PLB1: variants seen among roughly 807,000 people sequenced by gnomAD.
PLB1 encodes the protein phospholipase B1, membrane-associated.
A neutral mutation model predicts 227.4 loss-of-function variants in PLB1; 242 were observed. That is an observed-to-expected ratio of 1.06 (90% CI 0.96 to 1.18). The LOEUF (loss-of-function observed/expected upper bound fraction) is 1.18, where lower values mean the gene tolerates loss of function less well. Among genes scored for constraint, PLB1 ranks in the 50% most tolerant of loss-of-function variants. The probability of loss-of-function intolerance (pLI) is 0.00; values close to 1 mark genes in which losing one functional copy is unlikely to be tolerated. For missense variants in PLB1, 1,858 were observed against 1,816.3 expected (o/e 1.02, Z -0.42); for synonymous variants, 757 against 682.2 (o/e 1.11, Z -1.71).
intron 21 of PLB1, among the ~76,000 whole-genome samples, chr2:28,577,821 C>T (rs1172140900): frequency 6.6e-6 from 1 of 152,194 alleles, no homozygotes; most frequent in African/African-American, 2.4e-5. Context: ...GCCTGGGTGA[C>T]AGAGAAAGAC....
At chr2:28,572,037 C>T (rs888485736) in intron 20 of PLB1, among the ~76,000 whole-genome samples, 8 of 152,268 alleles carry the variant, frequency 5.3e-5, no homozygotes, top group Middle Eastern at 3.4e-3. Flanking sequence ...AAGAAACTTA[C>T]GTCTAGAAAT....
intron 16 of PLB1, among the ~76,000 whole-genome samples, chr2:28,551,778 T>A (rs115877881): frequency 8.9e-4 from 135 of 152,334 alleles, no homozygotes; most frequent in Middle Eastern, 3.4e-3. Context: ...CATAAGTCAG[T>A]AAGTATAAAG....
intron 56 of PLB1, among the ~76,000 whole-genome samples, chr2:28,638,935 C>T (rs997287601): frequency 1.2e-4 from 18 of 151,418 alleles, no homozygotes; most frequent in African/African-American, 4.4e-4. Flanking sequence ...TGGTGGCATG[C>T]ACCTGTAATC....
At chr2:28,591,926 TG>T (rs1385544262) in intron 31 of PLB1, among the ~76,000 whole-genome samples, 166 bp downstream of exon 31, 1 of 152,208 alleles carries the variant, frequency 6.6e-6, no homozygotes, top group South Asian at 2.1e-4. Flanking sequence ...CGCACCACTC[TG>T]GCTGGTGGTG....
chr2:28,513,216 G>A (rs973350460), intron 1 of PLB1, among the ~76,000 whole-genome samples: 3 of 152,128 alleles, frequency 2.0e-5, no homozygotes, highest in African/African-American at 7.2e-5. Context: ...TTCATGCTCT[G>A]GCTGGTAGTA....
At position 28,557,009 on chromosome 2, in the gene PLB1, G is replaced by A. The variant is rs143855402; in HGVS notation, c.1147+4018G>A. On this transcript the variant is annotated intron_variant, in intron 17 of 57. Transcript: ENST00000327757. ...TCGTGAGCCAGCAGTGCAATGTTCA[G>A]TGTAGGTCATGAGGCCGTCTCTGTG... Among the ~76,000 whole-genome samples the A allele has an allele frequency of 1.7e-3, 257 of 152,230 alleles. 2 individuals are homozygous for A. The highest frequency in any genetic ancestry group is 6.0e-3 in the African/African-American group (251 of 41,534).
At chr2:28,564,159 T>C (rs1261939874) in intron 18 of PLB1, among the ~76,000 whole-genome samples, 3 of 152,184 alleles carry the variant, frequency 2.0e-5, no homozygotes, top group Non-Finnish European at 2.9e-5. Flanking sequence ...GGAAGATCAC[T>C]TGAGCTCAGG....
chr2:28,622,966 C>T (rs949139754), intron 49 of PLB1, among the ~76,000 whole-genome samples: 2 of 152,198 alleles, frequency 1.3e-5, no homozygotes, highest in Non-Finnish European at 2.9e-5. Flanking sequence ...AGAGCTTGCA[C>T]TCTAGGTAAG....
intron 42 of PLB1, 53 bp downstream of exon 42, chr2:28,606,001 C>A: frequency 7.1e-7 from 1 of 1,400,506 alleles, no homozygotes; most frequent in Non-Finnish European, 1.0e-6. Flanking sequence ...TAGGGCAGGG[C>A]ACCAGCCCCT....
chr2:28,594,476 G>A, intron 33 of PLB1: 1 of 163,454 alleles, frequency 6.1e-6, no homozygotes, highest in East Asian at 1.7e-4. Flanking sequence ...CCACAAGGGG[G>A]CAGCGTGCTA....
At chr2:28,567,526 CA>C (rs1558781445) in intron 20 of PLB1, among the ~76,000 whole-genome samples, 5 of 129,460 alleles carry the variant, frequency 3.9e-5, no homozygotes, top group African/African-American at 6.3e-5. Context: ...GGCTGGAGTG[CA>C]GAGTGGCGCC....
intron 1 of PLB1, among the ~76,000 whole-genome samples, chr2:28,500,034 C>T (rs1666907301): frequency 6.6e-6 from 1 of 152,098 alleles, no homozygotes; most frequent in Non-Finnish European, 1.5e-5. Context: ...TGAAATTCAT[C>T]TAATGCTTTT....
chr2:28,633,696 C>T (rs1378249957), intron 56 of PLB1, among the ~76,000 whole-genome samples: 1 of 152,260 alleles, frequency 6.6e-6, no homozygotes, highest in African/African-American at 2.4e-5. Flanking sequence ...TGCTTCCACT[C>T]TGCCTTCTGT....
chr2:28,565,202 A>G (rs892452308), intron 18 of PLB1, 78 bp from the exon 19 acceptor site: 35 of 1,307,050 alleles, frequency 2.7e-5, no homozygotes, highest in Non-Finnish European at 3.8e-5. Context: ...GCATAAGAAC[A>G]TAGACCTTTT....
intron 56 of PLB1, among the ~76,000 whole-genome samples, chr2:28,639,954 C>T (rs1215692001): frequency 2.0e-5 from 3 of 152,192 alleles, no homozygotes; most frequent in African/African-American, 7.2e-5. Context: ...AGCCTGGATC[C>T]CAGCCATCTG....
intron 14 of PLB1, among the ~76,000 whole-genome samples, chr2:28,547,094 G>A (rs767665749): frequency 1.7e-4 from 25 of 151,452 alleles, no homozygotes; most frequent in Non-Finnish European, 3.1e-4. Flanking sequence ...CCAGCTACTC[G>A]GGAAGCTGAG....
chr2:28,578,240 G>T (rs1346350113), intron 22 of PLB1, 82 bp downstream of exon 22: 1 of 1,411,446 alleles, frequency 7.1e-7, no homozygotes, highest in Non-Finnish European at 1.0e-6. Flanking sequence ...ATGGTTGGGA[G>T]CCCGGCTTGG....
chr2:28,506,747 A>G (rs1667675602), intron 1 of PLB1, among the ~76,000 whole-genome samples: 1 of 152,152 alleles, frequency 6.6e-6, no homozygotes, highest in Non-Finnish European at 1.5e-5. Flanking sequence ...CCAGCTCCAG[A>G]CATAAAAGGT....
intron 2 of PLB1, 28 bp downstream of exon 2, chr2:28,516,897 G>T (rs771947451): frequency 1.2e-6 from 2 of 1,605,168 alleles, no homozygotes; most frequent in African/African-American, 2.7e-5. Context: ...TGGGAGGTGC[G>T]TGTGTATGGA....
Sources: allele counts gnomAD v4.1 joint callset (sites outside exome capture counted in the v4.1 genomes callset), GRCh38; gene constraint gnomAD v4.1.1; transcripts MANE v1.5; gene names NCBI Gene and HGNC (gene_info 2026-07-23, HGNC 2026-07-21).